The following KCNQ1OT1 variants were observed in gnomAD, a reference collection of about 807,000 sequenced individuals.
KCNQ1OT1 encodes the protein KCNQ1 antisense RNA 2 (non-protein coding).
exon 1 of KCNQ1OT1, chr11:2,646,375 A>T (rs1013133466): frequency 2.5e-6 from 1 of 398,508 alleles, no homozygotes; most frequent in African/African-American, 2.1e-5. Flanking sequence ...CTCTTCAATT[A>T]CTGTTATCAG....
Position 2,677,941 on chromosome 11 carries a change from G to A in KCNQ1OT1, n.22054C>T, listed in dbSNP as rs1850322436. On this transcript the variant is annotated non_coding_transcript_exon_variant, in exon 1 of 1. Coordinates refer to ENST00000597346, the Ensembl canonical transcript of KCNQ1OT1. This position sits in a 1 kb window ranked among gnomAD's most constrained non-coding sequence, Gnocchi z 4.5. ...TTATCTTCATTCATTTCATAGATGA[G>A]AAATGGTACACTGGAGCTTTAATTT... 1 of 398,408 alleles carries A rather than the reference G, an allele frequency of 2.5e-6. No individual in the cohort carries two copies. Among genetic ancestry groups the A allele is most frequent in the African/African-American group, 2.1e-5 (1 of 48,612 alleles). The allele number at this position is 398,408 out of a possible 1,614,324, so 24.7% of individuals were successfully genotyped here. A position where few individuals can be genotyped will look rare whatever the true frequency, so the allele number is the denominator to read the frequency against.
chr11:2,617,893 G>A lies in KCNQ1OT1; in HGVS notation n.82102C>T. On this transcript the variant is annotated non_coding_transcript_exon_variant, in exon 1 of 1. Coordinates refer to ENST00000597346, the Ensembl canonical transcript of KCNQ1OT1. The surrounding 1 kb of genome is among the most constrained non-coding windows in gnomAD (Gnocchi z 4.6). ...TTTTAATTGGGTTATCTATTTTCTT[G>A]TTATTGAGTTGTATGCATTCCTTAT... 2.5e-6 allele frequency: 1 copy of A among 398,422 alleles called. No individual in the cohort carries two copies. The allele number at this position is 398,422 out of a possible 1,614,324, so 24.7% of individuals were successfully genotyped here.
Position 2,678,043 on chromosome 11 carries a change from T to C in KCNQ1OT1, n.21952A>G. The C allele has an allele frequency of 2.5e-6, 1 of 398,496 alleles. No individual in the cohort carries two copies. The highest frequency in any genetic ancestry group is 4.4e-5 in the Admixed American group (1 of 22,746). 24.7% of individuals were successfully genotyped at this position (398,496 alleles called of 1,614,324 possible). On this transcript the variant is annotated non_coding_transcript_exon_variant, in exon 1 of 1. Coordinates refer to ENST00000597346, the Ensembl canonical transcript of KCNQ1OT1. This position sits in a 1 kb window ranked among gnomAD's most constrained non-coding sequence, Gnocchi z 4.9. Reference sequence around the variant, plus strand: ...ATTTGTTTTTCTTTCTTGTGAACTATTTCTTCATACCCTTTGGACTTTGTA... The same window carrying C: ...ATTTGTTTTTCTTTCTTGTGAACTACTTCTTCATACCCTTTGGACTTTGTA...
At chr11:2,638,049 C>A (rs944400665) in exon 1 of KCNQ1OT1, 1 of 152,178 alleles carries the variant, frequency 6.6e-6, no homozygotes, top group African/African-American at 2.4e-5. Flanking sequence ...TCCTCCATCC[C>A]TTTATTTTGA....
Position 2,624,015 on chromosome 11 carries a change from C to T in KCNQ1OT1, n.75980G>A. 2.5e-6 allele frequency: 1 copy of T among 399,156 alleles called. No homozygotes were observed. Among genetic ancestry groups the T allele is most frequent in the East Asian group, 3.6e-5 (1 of 28,118 alleles). 24.7% of individuals were successfully genotyped at this position (399,156 alleles called of 1,614,324 possible). A position where few individuals can be genotyped will look rare whatever the true frequency, so the allele number is the denominator to read the frequency against. Reference sequence around the variant, plus strand: ...AATGGTATATGTCAAAGTGGCTGTACCATTTTGCATTCCCACCAGCAATGG... The same window carrying T: ...AATGGTATATGTCAAAGTGGCTGTATCATTTTGCATTCCCACCAGCAATGG... On this transcript the variant is annotated non_coding_transcript_exon_variant, in exon 1 of 1. Coordinates refer to ENST00000597346, the Ensembl canonical transcript of KCNQ1OT1. This position sits in a 1 kb window ranked among gnomAD's most constrained non-coding sequence, Gnocchi z 4.9.
exon 1 of KCNQ1OT1, chr11:2,619,638 T>C: frequency 2.5e-6 from 1 of 398,552 alleles, no homozygotes; most frequent in Non-Finnish European, 4.4e-6. Flanking sequence ...TTTCTTGTGA[T>C]GCCTTTGGCT....
rs539379020 is a variant in KCNQ1OT1, at chr11:2,693,778, G to A, written n.6217C>T. 43 of 398,752 alleles carry A rather than the reference G, an allele frequency of 1.1e-4. No individual in the cohort carries two copies. The South Asian group carries it at 1.1e-3, about 11-fold the overall frequency. 24.7% of individuals were successfully genotyped at this position (398,752 alleles called of 1,614,324 possible). On this transcript the variant is annotated non_coding_transcript_exon_variant, in exon 1 of 1. Coordinates refer to ENST00000597346, the Ensembl canonical transcript of KCNQ1OT1. ...CCAGTAACCTGGACATGCTGGGGCC[G>A]GCCAGTTCAGAGGAGCATGGCACAG...
At chr11:2,614,993 A>G (rs1849038208) in exon 1 of KCNQ1OT1, 1 of 398,422 alleles carries the variant, frequency 2.5e-6, no homozygotes, top group Non-Finnish European at 4.4e-6. Context: ...AATATCGCCA[A>G]CTTAACAATA....
chr11:2,689,078 C>T (rs1024945170), exon 1 of KCNQ1OT1: 2 of 398,668 alleles, frequency 5.0e-6, no homozygotes, highest in African/African-American at 4.1e-5. Flanking sequence ...GGTGGCACAT[C>T]CGGCCTGGAA....
exon 1 of KCNQ1OT1, chr11:2,660,893 ATAAT>A (rs1444219419): frequency 1.5e-5 from 6 of 398,560 alleles, no homozygotes; most frequent in African/African-American, 1.2e-4. Flanking sequence ...CATAGTCTGA[ATAAT>A]TAAGCAGCTT....
rs1850420625 is a variant in KCNQ1OT1, at chr11:2,682,773, G to A, written n.17222C>T. On this transcript the variant is annotated non_coding_transcript_exon_variant, in exon 1 of 1. Coordinates refer to ENST00000597346, the Ensembl canonical transcript of KCNQ1OT1. The surrounding 1 kb of genome is among the most constrained non-coding windows in gnomAD (Gnocchi z 5.8). ...TCTCTGTTGACATTCTAGAAATGCA[G>A]GGAAATCTGGGCACCATGAAATGCA... The A allele has an allele frequency of 2.5e-6, 1 of 398,538 alleles. No homozygotes were observed. Among genetic ancestry groups the A allele is most frequent in the Non-Finnish European group, 4.4e-6 (1 of 226,102 alleles). The allele number at this position is 398,538 out of a possible 1,614,324, so 24.7% of individuals were successfully genotyped here.
chr11:2,699,880 C>T (rs368714233), exon 1 of KCNQ1OT1: 34 of 398,386 alleles, frequency 8.5e-5, no homozygotes, highest in East Asian at 5.4e-4. Context: ...TGAGGAGCCC[C>T]GGGGAGGACC....
At chr11:2,632,182 C>A (rs1255299326) in exon 1 of KCNQ1OT1, 617 of 311,984 alleles carry the variant, frequency 2.0e-3, no homozygotes, top group African/African-American at 6.1e-3. Flanking sequence ...GACTCTGCCT[C>A]AAAAAAAAAA....
Position 2,691,794 on chromosome 11 carries a change from C to A in KCNQ1OT1, n.8201G>T. 2.5e-6 allele frequency: 1 copy of A among 398,686 alleles called. No individual in the cohort carries two copies. Among genetic ancestry groups the A allele is most frequent in the South Asian group, 1.3e-4 (1 of 7,864 alleles). The allele number at this position is 398,686 out of a possible 1,614,324, so 24.7% of individuals were successfully genotyped here. ...CCAGTGGCCATCCACTGCCAGCAAT[C>A]AGAGAATCACAAGCACTGGATCCAA... is the stretch of plus-strand genomic sequence containing the variant. On this transcript the variant is annotated non_coding_transcript_exon_variant, in exon 1 of 1. Coordinates refer to ENST00000597346, the Ensembl canonical transcript of KCNQ1OT1. The surrounding 1 kb of genome is among the most constrained non-coding windows in gnomAD (Gnocchi z 6.4).
rs574964470 is a variant in KCNQ1OT1, at chr11:2,624,609, A to G, written n.75386T>C. Reference sequence around the variant, plus strand: ...TAACATAAAAATTACCATCCTAACCAATTTTAGTGTACAATTCAGTGAATG... The same window carrying G: ...TAACATAAAAATTACCATCCTAACCGATTTTAGTGTACAATTCAGTGAATG... On this transcript the variant is annotated non_coding_transcript_exon_variant, in exon 1 of 1. Transcript: ENST00000597346. The surrounding 1 kb of genome is among the most constrained non-coding windows in gnomAD (Gnocchi z 4.9). The G allele has an allele frequency of 6.8e-5, 27 of 398,538 alleles. No individual in the cohort carries two copies. The highest frequency in any genetic ancestry group is 1.2e-4 in the Non-Finnish European group (26 of 226,036). 24.7% of individuals were successfully genotyped at this position (398,538 alleles called of 1,614,324 possible).
Position 2,619,110 on chromosome 11 carries a change from G to C in KCNQ1OT1, n.80885C>G, listed in dbSNP as rs116000903. The C allele has an allele frequency of 1.8e-4, 70 of 398,466 alleles. No homozygotes were observed. Among genetic ancestry groups the C allele is most frequent in the African/African-American group, 1.3e-3 (61 of 48,720 alleles). The allele number at this position is 398,466 out of a possible 1,614,324, so 24.7% of individuals were successfully genotyped here. On this transcript the variant is annotated non_coding_transcript_exon_variant, in exon 1 of 1. Coordinates refer to ENST00000597346, the Ensembl canonical transcript of KCNQ1OT1. ...CGGGGTTTTCTATATGTAGGATCAT[G>C]TCATCTTCATATAAAGATAATATTA...
chr11:2,614,701 T>C (rs910949591), exon 1 of KCNQ1OT1: 1 of 398,518 alleles, frequency 2.5e-6, no homozygotes, highest in East Asian at 3.6e-5. Context: ...AGTGTTTATT[T>C]CTACATTCTC....
In KCNQ1OT1 at chr11:2,698,530, C is replaced by T. The variant is rs932472235; in HGVS notation, n.1465G>A. On this transcript the variant is annotated non_coding_transcript_exon_variant, in exon 1 of 1. Coordinates refer to ENST00000597346, the Ensembl canonical transcript of KCNQ1OT1. The surrounding 1 kb of genome is among the most constrained non-coding windows in gnomAD (Gnocchi z 5.1). ...CCTGGCAGGTGATCACCACCCCCAA[C>T]TCAGACTGCAACCTTTACTTCGCCC... is the stretch of plus-strand genomic sequence containing the variant. 3.5e-4 allele frequency: 138 copies of T among 398,482 alleles called. 2 individuals carry two copies. Among genetic ancestry groups the T allele is most frequent in the Non-Finnish European group, 4.4e-5 (10 of 226,104 alleles). 24.7% of individuals were successfully genotyped at this position (398,482 alleles called of 1,614,324 possible).
In KCNQ1OT1 at chr11:2,624,742, C is replaced by T. The variant is rs754490385; in HGVS notation, n.75253G>A. 2.5e-6 allele frequency: 1 copy of T among 397,960 alleles called. No individual in the cohort carries two copies. The allele number at this position is 397,960 out of a possible 1,614,324, so 24.7% of individuals were successfully genotyped here. On this transcript the variant is annotated non_coding_transcript_exon_variant, in exon 1 of 1. Coordinates refer to ENST00000597346, the Ensembl canonical transcript of KCNQ1OT1. This position sits in a 1 kb window ranked among gnomAD's most constrained non-coding sequence, Gnocchi z 4.9. ...TATCCATTAAACAATAATTCCCCAA[C>T]CCCCCCACCACCGCCATCTCTTGGA... is the stretch of plus-strand genomic sequence containing the variant.
Sources: gnomAD v4.1 joint callset for allele counts on GRCh38, gnomAD v4.1.1 for gene constraint, Gnocchi (gnomAD v3.1) non-coding constraint, MANE v1.5 for transcripts, NCBI Gene and HGNC (gene_info 2026-07-23, HGNC 2026-07-21) for gene names.